HECW2: variants seen among roughly 807,000 people sequenced by gnomAD.
HECW2 encodes HECT, C2 and WW domain containing E3 ubiquitin protein ligase 2.
Under a neutral mutation model 175.2 loss-of-function variants are expected in HECW2, and 61 were observed. The ratio of observed to expected loss-of-function variants is 0.35; its 90% CI spans 0.28 to 0.43. The LOEUF is 0.43. Among genes scored for constraint, HECW2 ranks in the 20% least tolerant of loss-of-function variants. The pLI is 1.00. For synonymous variants in HECW2, 671 were observed against 731.0 expected (o/e 0.92, Z 1.32); for missense variants, 1,524 against 2,000.5 (o/e 0.76, Z 4.54).
At chr2:196,494,496 C>G (rs958830582) in intron 1 of HECW2, among the ~76,000 whole-genome samples, 3 of 152,074 alleles carry the variant, frequency 2.0e-5, no homozygotes, top group Non-Finnish European at 2.9e-5. Context: ...GGGGAGAAGG[C>G]AGGGAGAGGG....
intron 14 of HECW2, among the ~76,000 whole-genome samples, chr2:196,280,566 CA>C (rs1486496139): frequency 1.3e-5 from 2 of 152,062 alleles, no homozygotes; most frequent in Non-Finnish European, 2.9e-5. Flanking sequence ...ATTCTGGGTA[CA>C]AAAAAATAAA....
In HECW2 at chr2:196,437,583, G is replaced by A. The variant is rs143922803; in HGVS notation, c.-35-4125C>T. On this transcript the variant is annotated intron_variant, in intron 1 of 28. Coordinates refer to ENST00000644978, the MANE Select transcript of HECW2 (RefSeq NM_001348768.2). ...GCCAAGATCACACCACTGCACTCCA[G>A]CCTGGGCAACAGAGTGAGACTCTGT... Among the ~76,000 whole-genome samples, 79 of 123,730 alleles carry A rather than the reference G, an allele frequency of 6.4e-4. No individual in the cohort carries two copies. The East Asian group carries it at 0.024, about 37-fold the overall frequency. 81.2% of individuals were successfully genotyped at this position (123,730 alleles called of 152,430 possible).
At chr2:196,333,141 C>T (rs1157443795) in intron 4 of HECW2, among the ~76,000 whole-genome samples, 4 of 152,122 alleles carry the variant, frequency 2.6e-5, no homozygotes, top group Admixed American at 2.6e-4. Flanking sequence ...AATCCTACTA[C>T]ACAGAACATG....
In HECW2 at chr2:196,232,365, C is replaced by T. The variant is rs1388307140; in HGVS notation, c.3765-4111G>A. ...TATGTGCCTGCCTCCCCTATACATA[C>T]ATACTAGTCTGTAACTACACTGGGG... is the stretch of plus-strand genomic sequence containing the variant. On this transcript the variant is annotated intron_variant, in intron 21 of 28. Transcript: ENST00000644978. Among the ~76,000 whole-genome samples, 4 of 152,186 alleles carry T rather than the reference C, an allele frequency of 2.6e-5. No homozygotes were observed. In the East Asian group the frequency reaches 7.7e-4, roughly 29 times the overall value.
chr2:196,420,097 T>C (rs1015509966), intron 2 of HECW2, among the ~76,000 whole-genome samples: 2 of 152,208 alleles, frequency 1.3e-5, no homozygotes, highest in Non-Finnish European at 2.9e-5. Flanking sequence ...ATTTGGAGTT[T>C]TGCAATTCAT....
At chr2:196,534,857 T>C (rs942002898) in intron 1 of HECW2, among the ~76,000 whole-genome samples, 13 of 152,156 alleles carry the variant, frequency 8.5e-5, no homozygotes, top group African/African-American at 3.1e-4. Context: ...GACATCTCAC[T>C]GCAAGTCCAA....
At position 196,411,902 on chromosome 2, in the gene HECW2, T is replaced by C. The variant is rs528515837; in HGVS notation, c.292+21230A>G. Among the ~76,000 whole-genome samples, 99 of 152,170 alleles carry C rather than the reference T, an allele frequency of 6.5e-4. 4 individuals are homozygous for C. In the South Asian group the frequency reaches 0.018, roughly 28 times the overall value. ...GCGCACACCTGTAGTCCCAGCTACT[T>C]GGGAGGCTGAAGCAGGAGAATCAGT... On this transcript the variant is annotated intron_variant, in intron 2 of 28. Coordinates refer to ENST00000644978, the MANE Select transcript of HECW2 (RefSeq NM_001348768.2).
At chr2:196,209,530 G>C (rs1443793976) in intron 28 of HECW2, among the ~76,000 whole-genome samples, 2 of 152,150 alleles carry the variant, frequency 1.3e-5, no homozygotes, top group Non-Finnish European at 2.9e-5. Context: ...AGAGGGCAGA[G>C]GGGAAAGGAG....
chr2:196,319,485 C>A lies in HECW2; in HGVS notation c.1405G>T (p.Asp469Tyr). 6.2e-7 allele frequency: 1 copy of A among 1,614,130 alleles called. No individual in the cohort carries two copies. The highest frequency in any genetic ancestry group is 8.5e-7 in the Non-Finnish European group (1 of 1,180,020). Reference sequence around the variant, plus strand: ...CCCAGGTCTTGCTGGAACTCGTGATCTTCTTCATCTGAATCAATATGAAGC... The same window carrying A: ...CCCAGGTCTTGCTGGAACTCGTGATATTCTTCATCTGAATCAATATGAAGC... ...AMLHIDSDEEDHEFQQDLGYP... is the reference protein window; with the variant it reads ...AMLHIDSDEEYHEFQQDLGYP... The change falls in exon 9 of 29, where the codon GAT becomes TAT. Residue 469 changes from aspartate to tyrosine, a missense_variant. By Grantham distance (160) the Asp-to-Tyr change is radical. Transcript: ENST00000644978.
intron 2 of HECW2, among the ~76,000 whole-genome samples, chr2:196,375,075 C>T (rs1402317595): frequency 1.3e-5 from 2 of 151,284 alleles, no homozygotes; most frequent in African/African-American, 4.9e-5. Flanking sequence ...GGCAGAATTG[C>T]TGGAACCCAG....
chr2:196,344,795 T>C (rs1447089425), intron 2 of HECW2, among the ~76,000 whole-genome samples: 1 of 151,978 alleles, frequency 6.6e-6, no homozygotes, highest in African/African-American at 2.4e-5. Context: ...TAACTGAGAG[T>C]TGGAATAAAG....
At chr2:196,541,631 AAAGATTGGT>A (rs1299647177) in intron 1 of HECW2, among the ~76,000 whole-genome samples, 6 of 152,168 alleles carry the variant, frequency 3.9e-5, no homozygotes, top group African/African-American at 1.4e-4. Context: ...TTTTATATCA[AAAGATTGGT>A]AAGTGTGCAT....
rs780437520 is a variant in HECW2 at position 196,306,541 on chromosome 2, G to C, written c.2761C>G (p.Pro921Ala). 11 of 1,612,856 alleles carry C rather than the reference G, an allele frequency of 6.8e-6. No individual in the cohort carries two copies. Among genetic ancestry groups the C allele is most frequent in the South Asian group, 4.4e-5 (4 of 90,878 alleles). ...TCTGGGCTGATGAGGAACTTCACGG[G>C]GGGAGACTGTAACAGCAACGTGATC... is the stretch of plus-strand genomic sequence containing the variant. ...SRITLLLQSP[P>A]VKFLISPEFF... is the part of the protein sequence containing the mutation. Residue 921 changes from proline (P) to alanine (A), a missense_variant, in exon 13 of 29, where the codon CCC (proline) becomes GCC (alanine). Pro to Ala is a conservative substitution (Grantham distance 27). Around this residue, in one of 11 missense-constraint regions of HECW2, gnomAD observed 105 missense variants for 98.1 expected, o/e 1.07. Coordinates refer to ENST00000644978, the MANE Select transcript of HECW2 (RefSeq NM_001348768.2).
chr2:196,472,848 T>C (rs553519587), intron 1 of HECW2, among the ~76,000 whole-genome samples: 144 of 152,308 alleles, frequency 9.5e-4, no homozygotes, highest in African/African-American at 3.2e-3. Context: ...TCCGAACCCC[T>C]GATCTCAAGT....
intron 1 of HECW2, among the ~76,000 whole-genome samples, chr2:196,444,183 T>C (rs1165088086): frequency 6.6e-6 from 1 of 152,242 alleles, no homozygotes; most frequent in Non-Finnish European, 1.5e-5. Flanking sequence ...GTGGAATACA[T>C]CTCAAAACAT....
intron 2 of HECW2, among the ~76,000 whole-genome samples, chr2:196,412,396 C>T (rs892133580): frequency 4.6e-5 from 7 of 152,202 alleles, no homozygotes; most frequent in African/African-American, 7.2e-5. Context: ...TCTGTAAAGA[C>T]GCTGTCTCCA....
At chr2:196,263,086 T>G (rs1689371657) in intron 17 of HECW2, 1 of 152,048 alleles carries the variant, frequency 6.6e-6, no homozygotes. Flanking sequence ...CAATGTCCAA[T>G]TATTTACTAA....
intron 1 of HECW2, among the ~76,000 whole-genome samples, chr2:196,558,528 C>G (rs539496947): frequency 2.5e-4 from 38 of 152,344 alleles, no homozygotes; most frequent in East Asian, 1.9e-4. Flanking sequence ...GAAAACAACA[C>G]CAGGTACTGC....
In HECW2 at chr2:196,205,453, A is replaced by G. The variant is rs146724362; in HGVS notation, c.4608-4065T>C. Among the ~76,000 whole-genome samples, 1,199 of 152,338 alleles carry G rather than the reference A, an allele frequency of 7.9e-3. 31 individuals are homozygous for G. The highest frequency in any genetic ancestry group is 0.044 in the Admixed American group (669 of 15,298). ...ACTAGATTATCCACATTTTGAGGAC[A>G]AGGATTGGCAAAATAAAGCTTCAGA... On this transcript the variant is annotated intron_variant, in intron 28 of 28. Transcript: ENST00000644978.
Sources: gnomAD v4.1 joint callset for allele counts (sites outside exome capture counted in the v4.1 genomes callset) on GRCh38, gnomAD v4.1.1 for gene constraint, gnomAD v4.1.1 regional missense constraint, MANE v1.5 for transcripts, NCBI Gene and HGNC (gene_info 2026-07-23, HGNC 2026-07-21) for gene names.